Variants in COL23A1 observed in about 807,000 individuals in gnomAD.
The protein encoded by COL23A1 is collagen alpha-1(XXIII) chain.
In COL23A1, 97 loss-of-function variants were observed where a neutral mutation model predicts 99.3. The observed-to-expected ratio is 0.98, with a 90% CI of 0.83 to 1.16. The LOEUF (loss-of-function observed/expected upper bound fraction) is 1.16, where lower values mean the gene tolerates loss of function less well. COL23A1 is among the 50% of genes most tolerant of loss of function. COL23A1 has a pLI of 0.00. For synonymous variants in COL23A1, 320 were observed against 308.2 expected (o/e 1.04, Z -0.40); for missense variants, 762 against 757.4 (o/e 1.01, Z -0.07).
intron 2 of COL23A1, among the ~76,000 whole-genome samples, chr5:178,358,023 T>C (rs544011546): frequency 2.0e-5 from 3 of 147,196 alleles, no homozygotes; most frequent in Non-Finnish European, 3.0e-5. Flanking sequence ...TGTATGTGTG[T>C]GTATGCGTAT....
chr5:178,325,816 C>T (rs868605972), intron 2 of COL23A1, among the ~76,000 whole-genome samples: 7 of 152,364 alleles, frequency 4.6e-5, no homozygotes, highest in Middle Eastern at 6.8e-3. Flanking sequence ...GCGGCCTGTG[C>T]CTGGGTCTGA....
chr5:178,345,366 G>A (rs546211649), intron 2 of COL23A1: 4 of 470,956 alleles, frequency 8.5e-6, no homozygotes, highest in South Asian at 6.1e-5. Flanking sequence ...CAAGGGGCCT[G>A]CTTATTAGAC....
intron 2 of COL23A1, among the ~76,000 whole-genome samples, chr5:178,319,430 G>A (rs1304046618): frequency 2.0e-5 from 3 of 152,080 alleles, no homozygotes; most frequent in Non-Finnish European, 4.4e-5. Flanking sequence ...GGTCATTCGT[G>A]TGAGCTTTGA....
intron 25 of COL23A1, among the ~76,000 whole-genome samples, chr5:178,244,976 CTCA>C (rs1026391205): frequency 1.4e-5 from 2 of 146,724 alleles, no homozygotes; most frequent in Admixed American, 6.7e-5. Flanking sequence ...CATCCATCCA[CTCA>C]TCATCTATCA....
chr5:178,461,550 G>A (rs1000805242), intron 2 of COL23A1, among the ~76,000 whole-genome samples: 2 of 152,240 alleles, frequency 1.3e-5, no homozygotes, highest in Non-Finnish European at 2.9e-5. Flanking sequence ...AGATAACTGT[G>A]GGAATGCTTT....
At chr5:178,358,775 A>ATG (rs750956174) in intron 2 of COL23A1, among the ~76,000 whole-genome samples, 2 of 120,466 alleles carry the variant, frequency 1.7e-5, no homozygotes, top group South Asian at 2.9e-4. Flanking sequence ...ATGTGTGTGT[A>ATG]TGTGTATGTG....
chr5:178,504,150 A>C (rs867358121), intron 2 of COL23A1, among the ~76,000 whole-genome samples: 8 of 152,176 alleles, frequency 5.3e-5, no homozygotes, highest in Middle Eastern at 3.4e-3. Context: ...AATGAGTCAC[A>C]TATCTTCTTT....
intron 3 of COL23A1, among the ~76,000 whole-genome samples, chr5:178,296,081 C>G (rs1170535464): frequency 6.6e-6 from 1 of 152,232 alleles, no homozygotes; most frequent in Non-Finnish European, 1.5e-5. Context: ...CACACTTGAA[C>G]TTGACAGTGG....
intron 2 of COL23A1, chr5:178,377,940 C>G (rs866032509): frequency 2.0e-5 from 3 of 152,266 alleles, no homozygotes; most frequent in African/African-American, 7.2e-5. Context: ...CACGATGGCA[C>G]GTGTCTGTGT....
chr5:178,411,679 G>C (rs1269504359), intron 2 of COL23A1, among the ~76,000 whole-genome samples: 1 of 152,162 alleles, frequency 6.6e-6, no homozygotes, highest in Non-Finnish European at 1.5e-5. Flanking sequence ...GTTCTTTTGC[G>C]GTGATGAAAG....
chr5:178,457,521 T>G (rs1755860131), intron 2 of COL23A1, among the ~76,000 whole-genome samples: 1 of 152,018 alleles, frequency 6.6e-6, no homozygotes, highest in African/African-American at 2.4e-5. Context: ...GGCCACAGAG[T>G]TCTTTATAAT....
At chr5:178,501,794 G>A (rs1483838935) in intron 2 of COL23A1, among the ~76,000 whole-genome samples, 1 of 152,180 alleles carries the variant, frequency 6.6e-6, no homozygotes, top group African/African-American at 2.4e-5. Context: ...CCCCACCTGG[G>A]GCACCACTGG....
intron 1 of COL23A1, chr5:178,562,827 CAG>C (rs926086756): frequency 1.3e-5 from 2 of 150,930 alleles, no homozygotes; most frequent in African/African-American, 4.9e-5. Context: ...GTCCACTTTA[CAG>C]AATGCTGATT....
At chr5:178,363,633 G>A (rs1373961239) in intron 2 of COL23A1, among the ~76,000 whole-genome samples, 3 of 152,044 alleles carry the variant, frequency 2.0e-5, no homozygotes, top group Non-Finnish European at 4.4e-5. Flanking sequence ...ACACTCCCTC[G>A]ACCCACAGTC....
chr5:178,346,396 G>C (rs1302004782), intron 2 of COL23A1, among the ~76,000 whole-genome samples: 1 of 152,014 alleles, frequency 6.6e-6, no homozygotes, highest in African/African-American at 2.4e-5. Context: ...ACCATGTCTG[G>C]CTAATTTTTT....
At chr5:178,502,025 A>G (rs991612368) in intron 2 of COL23A1, among the ~76,000 whole-genome samples, 2 of 152,240 alleles carry the variant, frequency 1.3e-5, no homozygotes, top group African/African-American at 2.4e-5. Flanking sequence ...AATAGGCAAA[A>G]TACAAGCATA....
intron 1 of COL23A1, among the ~76,000 whole-genome samples, chr5:178,569,862 T>G (rs1307770632): frequency 6.6e-6 from 1 of 152,138 alleles, no homozygotes; most frequent in African/African-American, 2.4e-5. Context: ...CATCCCTGAC[T>G]TCAGGAGGGT....
chr5:178,486,053 T>C (rs1471036670), intron 2 of COL23A1, among the ~76,000 whole-genome samples: 2 of 152,218 alleles, frequency 1.3e-5, no homozygotes, highest in Admixed American at 6.5e-5. Flanking sequence ...TTAAAATCAC[T>C]TGGCTAGGTA....
At position 178,307,026 on chromosome 5, in the gene COL23A1, G is replaced by A; in HGVS notation, c.362-107C>T. On this transcript the variant is annotated intron_variant, in intron 2 of 28. Transcript: ENST00000390654. This position sits in a 1 kb window ranked among gnomAD's most constrained non-coding sequence, Gnocchi z 4.2. The stretch of plus-strand genomic sequence containing the variant: ...CTGTCCGCTCGCAACAGCTTTCTGG[G>A]AGTGGCCTGCCCGAGGGGGTCTGCT... 1 of 779,784 alleles carries A rather than the reference G, an allele frequency of 1.3e-6. No homozygotes were observed. Among genetic ancestry groups the A allele is most frequent in the Non-Finnish European group, 1.9e-6 (1 of 522,720 alleles). 48.3% of individuals were successfully genotyped at this position (779,784 alleles called of 1,614,324 possible). A position where few individuals can be genotyped will look rare whatever the true frequency, so the allele number is the denominator to read the frequency against.
Sources: allele counts gnomAD v4.1 joint callset (sites outside exome capture counted in the v4.1 genomes callset), GRCh38; gene constraint gnomAD v4.1.1; non-coding constraint Gnocchi (gnomAD v3.1); transcripts MANE v1.5; gene names NCBI Gene and HGNC (gene_info 2026-07-23, HGNC 2026-07-21).